EDA: variants seen among roughly 807,000 people sequenced by gnomAD.
The protein encoded by EDA is ectodysplasin A, also known as ectodysplasin-A.
A neutral mutation model predicts 23.6 loss-of-function variants in EDA; 2 were observed. The ratio of observed to expected loss-of-function variants is 0.08; its 90% CI spans 0.03 to 0.27. EDA has a LOEUF of 0.27. Ranked by LOEUF, EDA falls within the 10% of genes least tolerant of loss-of-function variation. The pLI is 1.00. For synonymous variants in EDA, 131 were observed against 132.0 expected (o/e 0.99, Z 0.05); for missense variants, 229 against 324.2 (o/e 0.71, Z 2.26).
intron 1 of EDA, among the ~76,000 whole-genome samples, chrX:69,856,180 A>G (rs897137916): frequency 3.7e-5 from 4 of 108,676 alleles, no homozygotes; most frequent in Non-Finnish European, 7.6e-5. Context: ...ACTTAGAATG[A>G]TGGTCTCCAA....
chrX:69,936,857 T>A, intron 1 of EDA, among the ~76,000 whole-genome samples: 1 of 112,254 alleles, frequency 8.9e-6, no homozygotes, highest in Admixed American at 9.5e-5. Flanking sequence ...TTCAATGATG[T>A]AGCTTTCTCC....
chrX:70,010,450 C>T (rs1218092038), intron 2 of EDA, among the ~76,000 whole-genome samples: 5 of 111,882 alleles, frequency 4.5e-5, no homozygotes. Flanking sequence ...TAGGAGTTAG[C>T]ATGATATATC....
rs139542467 is a variant in EDA at position 69,918,793 on chromosome X, T to G, written c.397-38234T>G. On this transcript the variant is annotated intron_variant, in intron 1 of 7. Coordinates refer to ENST00000374552, the MANE Select transcript of EDA (RefSeq NM_001399.5). ...CTGATTGGATTCACTATAAATAAATTTATTTTTGACAGATAACTGAGAGTA... is the reference window on the plus strand; with the variant it reads ...CTGATTGGATTCACTATAAATAAATGTATTTTTGACAGATAACTGAGAGTA... 2.2e-4 allele frequency among the ~76,000 whole-genome samples: 24 copies of G among 111,442 alleles called. 1 individual carries two copies. The East Asian group carries it at 6.5e-3, about 30-fold the overall frequency.
chrX:69,707,363 A>T (rs1325259944), intron 1 of EDA, among the ~76,000 whole-genome samples: 1 of 112,150 alleles, frequency 8.9e-6, no homozygotes, highest in Non-Finnish European at 1.9e-5. Context: ...CTAAGGAGTG[A>T]AGCCTTTGGG....
intron 1 of EDA, among the ~76,000 whole-genome samples, chrX:69,839,613 G>A (rs1433478853): frequency 1.8e-5 from 2 of 112,225 alleles, no homozygotes; most frequent in Non-Finnish European, 3.8e-5. Flanking sequence ...GACCATCCAT[G>A]TATGATCCCC....
chrX:69,982,771 G>C (rs1185629856), intron 2 of EDA, among the ~76,000 whole-genome samples: 1 of 93,540 alleles, frequency 1.1e-5, no homozygotes, highest in Non-Finnish European at 2.1e-5. Context: ...TGTCTATTAG[G>C]TCCCCTTGGT....
chrX:69,668,226 T>C (rs1431200219), intron 1 of EDA, among the ~76,000 whole-genome samples: 1 of 112,481 alleles, frequency 8.9e-6, no homozygotes, highest in Non-Finnish European at 1.9e-5. Context: ...TTTTGATTTC[T>C]TCTTTGATCC....
At chrX:69,795,960 G>A (rs1209504490) in intron 1 of EDA, among the ~76,000 whole-genome samples, 2 of 111,374 alleles carry the variant, frequency 1.8e-5, no homozygotes, top group Middle Eastern at 4.7e-3. Flanking sequence ...ACTCCTCCAG[G>A]GGTCCTGAGG....
chrX:69,689,408 G>A (rs756071186), intron 1 of EDA, among the ~76,000 whole-genome samples: 14 of 107,728 alleles, frequency 1.3e-4, no homozygotes, highest in Non-Finnish European at 2.7e-4. Flanking sequence ...CGAGTCTCCT[G>A]TCTCAGCCTC....
At chrX:69,817,976 A>G (rs2016120196) in intron 1 of EDA, among the ~76,000 whole-genome samples, 1 of 112,000 alleles carries the variant, frequency 8.9e-6, no homozygotes, top group Non-Finnish European at 1.9e-5. Flanking sequence ...AATCGGAAGT[A>G]AAACACTCCT....
At chrX:69,655,300 A>G (rs1457804353) in intron 1 of EDA, among the ~76,000 whole-genome samples, 1 of 111,192 alleles carries the variant, frequency 9.0e-6, no homozygotes, top group East Asian at 2.9e-4. Context: ...AGGCTGAGGC[A>G]GGAGAATTGC....
intron 1 of EDA, among the ~76,000 whole-genome samples, chrX:69,703,745 G>A (rs748890784): frequency 2.9e-4 from 32 of 111,994 alleles, no homozygotes; most frequent in African/African-American, 9.7e-4. Flanking sequence ...GCTGTTGGTG[G>A]AAGTGGTCTT....
intron 1 of EDA, among the ~76,000 whole-genome samples, chrX:69,736,360 A>G (rs1266864652): frequency 2.7e-5 from 3 of 110,744 alleles, no homozygotes; most frequent in Admixed American, 1.9e-4. Context: ...GTTTTTTGAG[A>G]CAGAGTCTTA....
At chrX:69,644,124 T>G (rs1471354402) in intron 1 of EDA, among the ~76,000 whole-genome samples, 1 of 111,378 alleles carries the variant, frequency 9.0e-6, no homozygotes, top group African/African-American at 3.3e-5. Context: ...AATAGTTTTT[T>G]TTTTCTAATT....
chrX:69,849,066 G>T (rs967175763), intron 1 of EDA, among the ~76,000 whole-genome samples: 5 of 95,723 alleles, frequency 5.2e-5, no homozygotes, highest in African/African-American at 1.2e-4. Flanking sequence ...TTAATATAAT[G>T]CACACAAAGT....
chrX:69,621,084 A>G (rs1023748244), intron 1 of EDA: 1 of 216,881 alleles, frequency 4.6e-6, no homozygotes, highest in African/African-American at 3.0e-5. Flanking sequence ...AGCTTCCTGT[A>G]ATATATTGTT....
intron 1 of EDA, among the ~76,000 whole-genome samples, chrX:69,822,762 G>A (rs1483080566): frequency 3.7e-5 from 4 of 109,076 alleles, no homozygotes; most frequent in Admixed American, 9.8e-5. Flanking sequence ...TTAGTTACAT[G>A]TGTACACATG....
chrX:69,724,170 T>G (rs756730170), intron 1 of EDA, among the ~76,000 whole-genome samples: 11 of 111,725 alleles, frequency 9.8e-5, no homozygotes, highest in African/African-American at 3.3e-4. Context: ...TTGGTTTGTT[T>G]ATATGCTTGT....
At chrX:69,895,098 T>A (rs1208489005) in intron 1 of EDA, among the ~76,000 whole-genome samples, 2 of 111,285 alleles carry the variant, frequency 1.8e-5, no homozygotes, top group Admixed American at 1.9e-4. Flanking sequence ...ATGCCACATT[T>A]GCGGGGTGGG....
Sources: gnomAD v4.1 joint callset for allele counts (sites outside exome capture counted in the v4.1 genomes callset) on GRCh38, gnomAD v4.1.1 for gene constraint, MANE v1.5 for transcripts, NCBI Gene and HGNC (gene_info 2026-07-23, HGNC 2026-07-21) for gene names.